Variants in IGF2BP3 observed in about 807,000 individuals in gnomAD.
The protein encoded by IGF2BP3 is insulin-like growth factor 2 mRNA-binding protein 3.
Under a neutral mutation model 73.8 loss-of-function variants are expected in IGF2BP3, and 9 were observed. That is an observed-to-expected ratio of 0.12 (90% confidence interval 0.07 to 0.21). IGF2BP3 has a LOEUF of 0.21. IGF2BP3 is among the 10% of genes least tolerant of loss of function. The pLI is 1.00. For synonymous variants in IGF2BP3, 258 were observed against 256.7 expected, an observed-to-expected ratio of 1.01 and a Z score of -0.05; for missense variants, 542 against 714.0, an observed-to-expected ratio of 0.76 and a Z score of 2.75.
chr7:23,387,972 T>G (rs1583975554), intron 3 of IGF2BP3, among the ~76,000 whole-genome samples: 2 of 152,180 alleles, frequency 1.3e-5, no homozygotes, highest in African/African-American at 2.4e-5. Context: ...AGTCTCGCTC[T>G]GTTGCCCAGG....
intron 10 of IGF2BP3, among the ~76,000 whole-genome samples, chr7:23,326,302 A>G (rs1289645113): frequency 6.6e-6 from 1 of 152,246 alleles, no homozygotes; most frequent in Non-Finnish European, 1.5e-5. Context: ...TGCAGCCAAA[A>G]CACACATGAA....
chr7:23,319,500 C>A lies in IGF2BP3; in HGVS notation c.1204-246G>T, dbSNP rs146722630. 2.6e-5 allele frequency among the ~76,000 whole-genome samples: 4 copies of A among 152,262 alleles called. No homozygotes were observed. The East Asian group carries it at 7.7e-4, about 29-fold the overall frequency. ...TGTTGCCTTAAACTTTAAAATGTCA[C>A]TGAGTTATGGATTTAAAAGATATGT... On this transcript the variant is annotated intron_variant, in intron 10 of 14. Transcript: ENST00000258729.
intron 3 of IGF2BP3, among the ~76,000 whole-genome samples, chr7:23,388,789 G>T (rs1009239215): frequency 6.6e-6 from 1 of 151,822 alleles, no homozygotes; most frequent in Admixed American, 6.6e-5. Flanking sequence ...TATCTCTGGG[G>T]GTTACAAGTG....
At chr7:23,409,373 C>T (rs1371951278) in intron 3 of IGF2BP3, among the ~76,000 whole-genome samples, 1 of 152,122 alleles carries the variant, frequency 6.6e-6, no homozygotes, top group African/African-American at 2.4e-5. Flanking sequence ...AATAAACATC[C>T]CAGCAGAATT....
At chr7:23,354,622 C>A (rs1025240943) in intron 5 of IGF2BP3, among the ~76,000 whole-genome samples, 2 of 152,196 alleles carry the variant, frequency 1.3e-5, no homozygotes, top group Non-Finnish European at 2.9e-5. Flanking sequence ...ACATGTATCA[C>A]AAGAAACAAC....
At chr7:23,322,443 G>A (rs1236896248) in intron 10 of IGF2BP3, among the ~76,000 whole-genome samples, 7 of 152,196 alleles carry the variant, frequency 4.6e-5, no homozygotes, top group Non-Finnish European at 2.9e-5. Context: ...ATCTACGTCT[G>A]ACTGGTGTAC....
intron 3 of IGF2BP3, chr7:23,416,193 A>C (rs1042891140): frequency 6.6e-6 from 1 of 152,154 alleles, no homozygotes; most frequent in African/African-American, 2.4e-5. Context: ...CATAATTCCA[A>C]GTCTGACCTC....
chr7:23,372,574 C>T (rs1182598926), intron 3 of IGF2BP3, among the ~76,000 whole-genome samples: 3 of 152,102 alleles, frequency 2.0e-5, no homozygotes, highest in African/African-American at 7.2e-5. Context: ...GAGCATACGA[C>T]GTTTGGTTTT....
intron 12 of IGF2BP3, among the ~76,000 whole-genome samples, chr7:23,316,433 G>C (rs1426726979): frequency 1.3e-5 from 2 of 152,122 alleles, no homozygotes; most frequent in African/African-American, 4.8e-5. Flanking sequence ...TGTAATCCCA[G>C]CACTTTGGGA....
intron 3 of IGF2BP3, among the ~76,000 whole-genome samples, chr7:23,401,896 G>A (rs1476089167): frequency 6.6e-6 from 1 of 151,914 alleles, no homozygotes; most frequent in East Asian, 1.9e-4. Context: ...ATCACCTGAG[G>A]TCTTGAGGTC....
chr7:23,311,607 A>T lies in IGF2BP3; in HGVS notation c.*755T>A, dbSNP rs1004312716. ...ATAACTGTGTCAAAAGCCTCAAAAA[A>T]CCCTGAAATTAATTTTCCAGCTTTA... On this transcript the variant is annotated 3_prime_UTR_variant, in exon 15 of 15. Transcript: ENST00000258729. 8 of 152,500 alleles carry T rather than the reference A, an allele frequency of 5.2e-5. No individual in the cohort carries two copies. Among genetic ancestry groups the T allele is most frequent in the African/African-American group, 1.4e-4 (6 of 41,568 alleles). The allele number at this position is 152,500 out of a possible 1,614,324, so 9.4% of individuals were successfully genotyped here.
intron 10 of IGF2BP3, among the ~76,000 whole-genome samples, chr7:23,327,873 T>C (rs1383116095): frequency 2.0e-5 from 3 of 152,074 alleles, no homozygotes; most frequent in Non-Finnish European, 2.9e-5. Flanking sequence ...CTAAGCACCA[T>C]AAATCCATGG....
intron 2 of IGF2BP3, among the ~76,000 whole-genome samples, chr7:23,451,939 T>TA (rs61131297): frequency 0.36 from 47,096 of 131,592 alleles, 8,143 homozygotes; most frequent in African/African-American, 0.41. Flanking sequence ...CAGAGCAAGA[T>TA]AAAAAAAAAA....
rs1322960406 is a variant in IGF2BP3 at position 23,315,134 on chromosome 7, A to AT, written c.1396-1482dup. 7.7e-5 allele frequency among the ~76,000 whole-genome samples: 11 copies of AT among 143,512 alleles called. No homozygotes were observed. In the East Asian group the frequency reaches 1.0e-3, roughly 13 times the overall value. The allele number at this position is 143,512 out of a possible 152,430, so 94.1% of individuals were successfully genotyped here. A position where few individuals can be genotyped will look rare whatever the true frequency, so the allele number is the denominator to read the frequency against. On this transcript the variant is annotated intron_variant, in intron 12 of 14. Coordinates refer to ENST00000258729, the MANE Select transcript of IGF2BP3 (RefSeq NM_006547.3). ...TTATTTTTTTTTATTTTTTTATTTTATTTTTTTTAGAGACAGAGTCTCTTT... is the reference window on the plus strand; with the variant it reads ...TTATTTTTTTTTATTTTTTTATTTTATTTTTTTTTAGAGACAGAGTCTCTTT...
chr7:23,408,352 T>C (rs992046291), intron 3 of IGF2BP3, among the ~76,000 whole-genome samples: 1 of 152,066 alleles, frequency 6.6e-6, no homozygotes. Context: ...AAAAACAAAC[T>C]TTCAGAACTA....
intron 2 of IGF2BP3, among the ~76,000 whole-genome samples, chr7:23,420,963 CT>C (rs1787326868): frequency 6.6e-6 from 1 of 152,166 alleles, no homozygotes; most frequent in Non-Finnish European, 1.5e-5. Context: ...ACTGTTAAAG[CT>C]TCAGGACAGG....
intron 5 of IGF2BP3, among the ~76,000 whole-genome samples, chr7:23,353,720 G>T (rs1039197794): frequency 6.6e-5 from 10 of 152,192 alleles, no homozygotes; most frequent in African/African-American, 2.2e-4. Flanking sequence ...CTATGTCAGA[G>T]GGCATTCTTT....
At chr7:23,313,744 T>C (rs767711582) in intron 12 of IGF2BP3, 91 bp from the exon 13 acceptor site, 12 of 1,287,798 alleles carry the variant, frequency 9.3e-6, no homozygotes, top group Admixed American at 6.1e-5. Context: ...CCAAGTGGGA[T>C]AGCCCTTTGC....
At chr7:23,380,254 C>A (rs1422409435) in intron 3 of IGF2BP3, among the ~76,000 whole-genome samples, 1 of 150,660 alleles carries the variant, frequency 6.6e-6, no homozygotes, top group Non-Finnish European at 1.5e-5. Context: ...ACCTCCGCCT[C>A]CCGGGTTCAC....
Sources: allele counts gnomAD v4.1 joint callset (sites outside exome capture counted in the v4.1 genomes callset), GRCh38; gene constraint gnomAD v4.1.1; transcripts MANE v1.5; gene names NCBI Gene and HGNC (gene_info 2026-07-23, HGNC 2026-07-21).